Variants in STK3 observed in about 807,000 individuals in gnomAD.
The protein encoded by STK3 is serine/threonine-protein kinase 3.
Under a neutral mutation model 58.0 loss-of-function variants are expected in STK3, and 41 were observed. The ratio of observed to expected loss-of-function variants is 0.71; its 90% CI spans 0.55 to 0.92. The LOEUF (loss-of-function observed/expected upper bound fraction) is 0.92, where lower values mean the gene tolerates loss of function less well. STK3 is among the 40% of genes least tolerant of loss of function. STK3 has a pLI of 0.00. For synonymous variants in STK3, 170 were observed against 191.0 expected (o/e 0.89, Z 0.91); for missense variants, 479 against 602.7 (o/e 0.79, Z 2.15).
chr8:98,422,141 C>T (rs550145494), intron 3 of STK3, among the ~76,000 whole-genome samples: 11 of 152,266 alleles, frequency 7.2e-5, no homozygotes, highest in Admixed American at 2.0e-4. Flanking sequence ...CCAAATGGCC[C>T]AGGCAAGGAC....
chr8:98,596,272 A>C, intron 6 of STK3, 103 bp from the exon 7 acceptor site: 1 of 1,358,906 alleles, frequency 7.4e-7, no homozygotes, highest in Non-Finnish European at 9.9e-7. Flanking sequence ...AATTTGAAAA[A>C]CAAATTTAAG....
At chr8:98,825,387 G>T in intron 1 of STK3, 128 bp downstream of exon 1, 3 of 845,378 alleles carry the variant, frequency 3.5e-6, no homozygotes, top group Non-Finnish European at 4.7e-6. Context: ...CCCGCCTCCC[G>T]ACCTCAGCGC....
At chr8:98,588,291 C>G (rs1429662166) in intron 7 of STK3, among the ~76,000 whole-genome samples, 1 of 151,698 alleles carries the variant, frequency 6.6e-6, no homozygotes, top group Non-Finnish European at 1.5e-5. Context: ...TAGGGCAGGC[C>G]TGGTGGTGAC....
intron 8 of STK3, among the ~76,000 whole-genome samples, chr8:98,572,236 C>T (rs182498852): frequency 7.0e-4 from 106 of 152,216 alleles, no homozygotes; most frequent in African/African-American, 2.2e-3. Context: ...ACCAAATTAC[C>T]AAACTGCATG....
At chr8:98,505,154 T>G (rs377715833) in intron 10 of STK3, among the ~76,000 whole-genome samples, 16 of 152,320 alleles carry the variant, frequency 1.1e-4, no homozygotes, top group African/African-American at 3.8e-4. Flanking sequence ...CTTCAGTCAC[T>G]GATACCCTTT....
chr8:98,905,313 T>G lies in STK3; in HGVS notation c.-78-21479A>C, dbSNP rs1838850123. On this transcript the variant is annotated intron_variant, in intron 1 of 1. Coordinates refer to the STK3 transcript ENST00000519420. ...CACTGCGTCCTCTGACCACTCCATG[T>G]GTATGAAGTGTATGAGGACATAATC... is the stretch of plus-strand genomic sequence containing the variant. 3.5e-6 allele frequency: 3 copies of G among 848,772 alleles called. No homozygotes were observed. In the South Asian group the frequency reaches 4.0e-5, roughly 11 times the overall value. 52.6% of individuals were successfully genotyped at this position (848,772 alleles called of 1,614,324 possible). A position where few individuals can be genotyped will look rare whatever the true frequency, so the allele number is the denominator to read the frequency against.
At chr8:98,634,423 C>A (rs979556345) in intron 6 of STK3, among the ~76,000 whole-genome samples, 4 of 151,652 alleles carry the variant, frequency 2.6e-5, no homozygotes, top group African/African-American at 9.7e-5. Flanking sequence ...TCACTTGAAC[C>A]CAGGAAGCGG....
chr8:98,668,291 G>C (rs972697694), intron 6 of STK3, among the ~76,000 whole-genome samples: 3 of 152,072 alleles, frequency 2.0e-5, no homozygotes, highest in East Asian at 3.8e-4. Context: ...TAAACTTTTA[G>C]GGGCATTTAA....
intron 4 of STK3, among the ~76,000 whole-genome samples, chr8:98,745,146 A>C (rs1191662410): frequency 1.3e-5 from 2 of 152,186 alleles, no homozygotes; most frequent in Non-Finnish European, 2.9e-5. Context: ...GTAGCAACAA[A>C]GTCTGAGGTG....
intron 6 of STK3, among the ~76,000 whole-genome samples, chr8:98,701,651 T>C (rs191619262): frequency 6.6e-6 from 1 of 150,768 alleles, no homozygotes; most frequent in Non-Finnish European, 1.5e-5. Flanking sequence ...TATATATCTA[T>C]ACACACACAT....
At chr8:98,433,283 C>CT (rs765980302) in intron 3 of STK3, among the ~76,000 whole-genome samples, 61 of 152,286 alleles carry the variant, frequency 4.0e-4, no homozygotes, top group Non-Finnish European at 2.5e-4. Flanking sequence ...TCAGCCTGCC[C>CT]TGCCAGCCCC....
upstream of STK3, among the ~76,000 whole-genome samples, chr8:98,389,427 T>C (rs79225812): frequency 0.019 from 2,854 of 152,286 alleles, 84 homozygotes; most frequent in African/African-American, 0.063. Context: ...AATTACAAGA[T>C]AGCTAAAGCT....
chr8:98,625,727 G>A (rs948454578), intron 6 of STK3, among the ~76,000 whole-genome samples: 6 of 152,148 alleles, frequency 3.9e-5, no homozygotes, highest in Non-Finnish European at 7.4e-5. Context: ...GATAATTTGG[G>A]GCAAGGAGAT....
intron 3 of STK3, among the ~76,000 whole-genome samples, chr8:98,844,418 C>A (rs1362575668): frequency 1.3e-5 from 2 of 152,110 alleles, no homozygotes; most frequent in African/African-American, 4.8e-5. Flanking sequence ...GAGAACACAG[C>A]CTGCAAGGGG....
At chr8:98,489,851 G>A (rs2131315226) in intron 10 of STK3, among the ~76,000 whole-genome samples, 1 of 152,148 alleles carries the variant, frequency 6.6e-6, no homozygotes, top group South Asian at 2.1e-4. Flanking sequence ...ACAAAAGTGT[G>A]TTTGGTTTAC....
At chr8:98,811,726 T>C (rs868177210) in intron 1 of STK3, among the ~76,000 whole-genome samples, 2 of 152,208 alleles carry the variant, frequency 1.3e-5, no homozygotes, top group Non-Finnish European at 2.9e-5. Flanking sequence ...TTCTAAATTA[T>C]ACATTGAGGA....
At chr8:98,488,841 C>T (rs750034099) in intron 10 of STK3, among the ~76,000 whole-genome samples, 3 of 152,144 alleles carry the variant, frequency 2.0e-5, no homozygotes, top group Non-Finnish European at 4.4e-5. Flanking sequence ...TACAGTCATT[C>T]GGAATAAAAG....
chr8:98,735,788 A>C (rs1406309526), intron 4 of STK3, among the ~76,000 whole-genome samples: 2 of 152,106 alleles, frequency 1.3e-5, no homozygotes, highest in African/African-American at 2.4e-5. Context: ...TACAACTCAG[A>C]CTCAGTTACA....
At chr8:98,723,722 G>T (rs1256188597) in intron 4 of STK3, among the ~76,000 whole-genome samples, 1 of 151,708 alleles carries the variant, frequency 6.6e-6, no homozygotes, top group East Asian at 1.9e-4. Flanking sequence ...TTAGACATAC[G>T]CCCCCCTTTT....
Sources: allele counts gnomAD v4.1 joint callset (sites outside exome capture counted in the v4.1 genomes callset), GRCh38; gene constraint gnomAD v4.1.1; transcripts MANE v1.5; gene names NCBI Gene and HGNC (gene_info 2026-07-23, HGNC 2026-07-21).